ANO1: variants seen among roughly 807,000 people sequenced by gnomAD.
ANO1 encodes anoctamin 1, also known as anoctamin-1.
ANO1 carries 59 observed loss-of-function variants against 124.0 expected under a neutral mutation model. That is an observed-to-expected ratio of 0.48 (90% CI 0.39 to 0.59). The LOEUF (loss-of-function observed/expected upper bound fraction) is 0.59, where lower values mean the gene tolerates loss of function less well. Among genes scored for constraint, ANO1 ranks in the 20% least tolerant of loss-of-function variants. The pLI, the probability that ANO1 is intolerant of heterozygous loss-of-function variation, is 0.00. For synonymous variants in ANO1, 529 were observed against 532.0 expected (o/e 0.99, Z 0.08); for missense variants, 1,059 against 1,328.0 (o/e 0.80, Z 3.15).
chr11:70,008,749 T>A (rs564175976), intron 1 of ANO1, among the ~76,000 whole-genome samples: 90 of 152,192 alleles, frequency 5.9e-4, no homozygotes, highest in African/African-American at 2.0e-3. Context: ...GCCCTTTAGA[T>A]TTTGTGGCAC....
At chr11:70,132,168 C>T in intron 11 of ANO1, 89 bp downstream of exon 11, 1 of 1,443,686 alleles carries the variant, frequency 6.9e-7, no homozygotes, top group Non-Finnish European at 9.3e-7. Flanking sequence ...GCGAAATCAT[C>T]CTCAGGCAGG....
chr11:70,123,778 A>AT (rs1466975543), intron 8 of ANO1, among the ~76,000 whole-genome samples: 63 of 151,988 alleles, frequency 4.1e-4, no homozygotes, highest in African/African-American at 1.5e-3. Context: ...TTATTTTTTT[A>AT]TTTTTTTACT....
chr11:70,145,943 CAAAAAAAAAAA>C (rs10589426), intron 11 of ANO1, among the ~76,000 whole-genome samples: 2 of 108,702 alleles, frequency 1.8e-5, no homozygotes, highest in Non-Finnish European at 3.6e-5. Flanking sequence ...TCTCAAAAAA[CAAAAAAAAAAA>C]AAAAAAAAAA....
rs1195099936 is a variant in ANO1 at position 70,095,296 on chromosome 11, G to A, written c.441+7212G>A. Among the ~76,000 whole-genome samples the A allele has an allele frequency of 2.3e-5, 2 of 88,474 alleles. 1 individual carries two copies. The highest frequency in any genetic ancestry group is 4.9e-5 in the Non-Finnish European group (2 of 40,660). The allele number at this position is 88,474 out of a possible 152,430, so 58.0% of individuals were successfully genotyped here. ...GGAAGGAAGGAAGGAAGGAAGGAAG[G>A]AAGGAAAGAAAGAAAGAAAGAAAGG... On this transcript the variant is annotated intron_variant, in intron 2 of 25. Coordinates refer to ENST00000355303, the MANE Select transcript of ANO1 (RefSeq NM_018043.7).
the ANO1 span, among the ~76,000 whole-genome samples, chr11:69,968,302 C>A: frequency 3.9e-5 from 6 of 152,076 alleles, no homozygotes; most frequent in Non-Finnish European, 7.4e-5. Context: ...TCCCAGAGAC[C>A]CCTTGGGCCA....
At chr11:70,166,917 G>C (rs140277999) in intron 20 of ANO1, among the ~76,000 whole-genome samples, 2,252 of 152,264 alleles carry the variant, frequency 0.015, 56 homozygotes, top group African/African-American at 0.047. Flanking sequence ...AGGCACAGAT[G>C]GGCGGATTGC....
At chr11:70,145,960 AAAAAAG>A (rs2047361440) in intron 11 of ANO1, among the ~76,000 whole-genome samples, 3 of 149,914 alleles carry the variant, frequency 2.0e-5, no homozygotes, top group Non-Finnish European at 4.4e-5. Flanking sequence ...AAAAAAAAAA[AAAAAAG>A]AAAGAAAGAA....
At chr11:70,007,276 T>TCTTTC (rs1315663717) in intron 1 of ANO1, among the ~76,000 whole-genome samples, 6 of 124,846 alleles carry the variant, frequency 4.8e-5, no homozygotes, top group African/African-American at 7.7e-5. Flanking sequence ...TTTCTTTCTT[T>TCTTTC]TTTTTTTTTT....
rs905846536 is a variant in ANO1, at chr11:70,122,202, T to C, written c.898-2148T>C. On this transcript the variant is annotated intron_variant, in intron 8 of 25. Coordinates refer to ENST00000355303, the MANE Select transcript of ANO1 (RefSeq NM_018043.7). ...CTCTGTCTGTCTTTCTGTCTCTCCATCTGCCTCTGTCTCTGTCTCTCTCTC... is the reference window on the plus strand; with the variant it reads ...CTCTGTCTGTCTTTCTGTCTCTCCACCTGCCTCTGTCTCTGTCTCTCTCTC... Among the ~76,000 whole-genome samples, 4 of 130,202 alleles carry C rather than the reference T, an allele frequency of 3.1e-5. 1 individual carries two copies. Among genetic ancestry groups the C allele is most frequent in the African/African-American group, 1.2e-4 (4 of 33,532 alleles). 85.4% of individuals were successfully genotyped at this position (130,202 alleles called of 152,430 possible).
intron 1 of ANO1, among the ~76,000 whole-genome samples, chr11:70,029,725 G>T (rs57861929): frequency 6.6e-6 from 1 of 152,200 alleles, no homozygotes; most frequent in East Asian, 1.9e-4. Flanking sequence ...CTGGAGGTGA[G>T]AAGTCTGGAA....
chr11:70,153,185 C>T (rs1323628854), intron 14 of ANO1, 57 bp downstream of exon 14: 1 of 1,425,952 alleles, frequency 7.0e-7, no homozygotes, highest in African/African-American at 1.4e-5. Context: ...GTTCATCAAC[C>T]ATGTAGACCT....
At chr11:70,009,740 G>C (rs754669530) in intron 1 of ANO1, among the ~76,000 whole-genome samples, 19 of 152,156 alleles carry the variant, frequency 1.2e-4, no homozygotes, top group Non-Finnish European at 2.6e-4. Flanking sequence ...AAATATGAGA[G>C]AGAAAGGCAG....
Position 70,131,912 on chromosome 11 carries a change from C to A in ANO1, c.1098-7C>A. ...AGGTGACTCCAGGGCTGCCCCCTCTCTTGCAGCATGGAGATGTGTGACCAG... is the reference window on the plus strand; with the variant it reads ...AGGTGACTCCAGGGCTGCCCCCTCTATTGCAGCATGGAGATGTGTGACCAG... On this transcript the variant is annotated splice_region_variant and splice_polypyrimidine_tract_variant and intron_variant, in intron 10 of 25. Transcript: ENST00000355303. The A allele has an allele frequency of 1.2e-6, 2 of 1,602,894 alleles. No individual in the cohort carries two copies. The highest frequency in any genetic ancestry group is 2.2e-5 in the East Asian group (1 of 44,818).
Position 70,163,306 on chromosome 11 carries a change from A to G in ANO1, c.1916A>G (p.Tyr639Cys). Residue 639 changes from tyrosine to cysteine, a missense_variant, in exon 19 of 26, where the codon TAC (tyrosine) becomes TGC (cysteine). Transcript: ENST00000355303. ...KGRFVGRPGD[Y>C]VYIFRSFRME... ...AGGTTTGTTGGACGCCCGGGCGACT[A>G]CGTGTACATTTTCCGTTCCTTCCGA... is the stretch of plus-strand genomic sequence containing the variant. 1.2e-6 allele frequency: 2 copies of G among 1,613,916 alleles called. No homozygotes were observed. Among genetic ancestry groups the G allele is most frequent in the Non-Finnish European group, 1.7e-6 (2 of 1,179,880 alleles).
upstream of ANO1, among the ~76,000 whole-genome samples, chr11:70,075,672 C>T (rs1307135852): frequency 6.6e-6 from 1 of 152,086 alleles, no homozygotes; most frequent in Non-Finnish European, 1.5e-5. Context: ...AAAATCTGTC[C>T]CTGTGGGGTT....
rs2049211914 is a variant in ANO1, at chr11:70,188,073, G to A, written c.*69G>A. ...ATGGGCACCCTCTCCCAGGGCAGGC[G>A]GCTTCCCGCTCCCACCAGGGCCCGG... On this transcript the variant is annotated 3_prime_UTR_variant, in exon 26 of 26. Transcript: ENST00000355303. 17 of 1,497,156 alleles carry A rather than the reference G, an allele frequency of 1.1e-5. No homozygotes were observed. Among genetic ancestry groups the A allele is most frequent in the East Asian group, 7.4e-5 (3 of 40,446 alleles). The allele number at this position is 1,497,156 out of a possible 1,614,324, so 92.7% of individuals were successfully genotyped here.
chr11:70,085,916 T>G (rs1257958785), intron 1 of ANO1, among the ~76,000 whole-genome samples: 1 of 152,244 alleles, frequency 6.6e-6, no homozygotes, highest in African/African-American at 2.4e-5. Flanking sequence ...TTTAGAGCCA[T>G]GGTGCAGCCG....
chr11:70,032,544 G>A (rs1216955894), intron 1 of ANO1, among the ~76,000 whole-genome samples: 2 of 149,992 alleles, frequency 1.3e-5, no homozygotes, highest in African/African-American at 2.5e-5. Flanking sequence ...GAGGGGGGGG[G>A]TCTCTGAAGG....
Position 70,187,804 on chromosome 11 carries a change from CA to C in ANO1, c.2762del (p.Gln921ArgfsTer80). On this transcript the variant is annotated frameshift_variant, in exon 26 of 26. Transcript: ENST00000355303. LOFTEE classifies it high-confidence loss of function. Reference sequence around the variant, plus strand: ...CCCGGACATCCCCAAGGACATCAGCCAGCAGATCCACAAGGAGAAGGTGCTC... The same window carrying C: ...CCCGGACATCCCCAAGGACATCAGCCGCAGATCCACAAGGAGAAGGTGCTC... ...VIPDIPKDISQQIHKEKVLMV... is the reference protein window; with the variant it reads ...VIPDIPKDISXQIHKEKVLMV... 1.2e-6 allele frequency: 2 copies of C among 1,609,590 alleles called. No individual in the cohort carries two copies. The highest frequency in any genetic ancestry group is 8.5e-7 in the Non-Finnish European group (1 of 1,178,196).
Sources: gnomAD v4.1 joint callset for allele counts (sites outside exome capture counted in the v4.1 genomes callset) on GRCh38, gnomAD v4.1.1 for gene constraint, MANE v1.5 for transcripts, NCBI Gene and HGNC (gene_info 2026-07-23, HGNC 2026-07-21) for gene names.